Variants in TMPRSS2 observed in about 807,000 individuals in gnomAD.
TMPRSS2 encodes the protein transmembrane protease serine 2.
TMPRSS2 carries 59 observed loss-of-function variants against 67.4 expected under a neutral mutation model. The observed-to-expected ratio is 0.88, with a 90% confidence interval of 0.71 to 1.09. The LOEUF (loss-of-function observed/expected upper bound fraction) is 1.09. Among genes scored for constraint, TMPRSS2 ranks in the 50% least tolerant of loss-of-function variants. The pLI is 0.00. For synonymous variants in TMPRSS2, 257 were observed against 257.0 expected, an observed-to-expected ratio of 1.00 and a Z score of 0.00; for missense variants, 668 against 642.7, an observed-to-expected ratio of 1.04 and a Z score of -0.43.
chr21:41,492,691 A>C (rs2091347030), intron 3 of TMPRSS2, among the ~76,000 whole-genome samples: 1 of 152,228 alleles, frequency 6.6e-6, no homozygotes, highest in South Asian at 2.1e-4. Flanking sequence ...CTTCCCTTAT[A>C]AAAGCAACTG....
chr21:41,494,881 C>T (rs140259165), intron 2 of TMPRSS2, among the ~76,000 whole-genome samples: 3 of 151,782 alleles, frequency 2.0e-5, no homozygotes, highest in East Asian at 2.0e-4. Context: ...CCATCGTGGC[C>T]AACATGGTGG....
chr21:41,471,896 C>G lies in TMPRSS2; in HGVS notation c.985G>C (p.Glu329Gln), dbSNP rs775137340. Reference sequence around the variant, plus strand: ...TAATTTGGATGAGAAATCACTTTTTCTACTTGGTATCCGGCTCCATAGAAC... The same window carrying G: ...TAATTTGGATGAGAAATCACTTTTTGTACTTGGTATCCGGCTCCATAGAAC... Reference protein sequence around the residue: ...FMFYGAGYQVEKVISHPNYDS... With the variant: ...FMFYGAGYQVQKVISHPNYDS... The change falls in exon 10 of 14, where the codon GAA becomes CAA. Residue 329 changes from glutamate (E) to glutamine (Q), a missense_variant. Physicochemically the swap from Glu to Gln is conservative, Grantham distance 29 (BLOSUM62 2). Coordinates refer to ENST00000332149, the MANE Select transcript of TMPRSS2 (RefSeq NM_005656.4). 1.1e-4 allele frequency: 176 copies of G among 1,613,458 alleles called. No individual in the cohort carries two copies. The highest frequency in any genetic ancestry group is 1.4e-4 in the Non-Finnish European group (170 of 1,179,884).
rs529218967 is a variant in TMPRSS2, at chr21:41,498,256, A to G, written c.-56-67T>C. ...TTAGTTTTTAGAAGATAAATCTGGA[A>G]AGAACTAGAAGAATCTCTAGATGAA... On this transcript the variant is annotated intron_variant, in intron 1 of 13. Transcript: ENST00000332149. 3.8e-6 allele frequency: 4 copies of G among 1,063,064 alleles called. No homozygotes were observed. In the Admixed American group the frequency reaches 8.5e-5, roughly 23 times the overall value. 65.9% of individuals were successfully genotyped at this position (1,063,064 alleles called of 1,614,324 possible). A position where few individuals can be genotyped will look rare whatever the true frequency, so the allele number is the denominator to read the frequency against.
intron 6 of TMPRSS2, 76 bp from the exon 7 acceptor site, chr21:41,479,358 G>A (rs987154830): frequency 3.0e-5 from 32 of 1,061,984 alleles, no homozygotes; most frequent in African/African-American, 4.8e-5. Flanking sequence ...TCATAATACC[G>A]CTCATACGAC....
rs527284833 is a variant in TMPRSS2 at position 41,476,397 on chromosome 21, A to G, written c.727+180T>C. ...TGGACCCAAGGCTGAAGGTGTCTACAGGCCATGGAAATCTAAACCAGGAGC... is the reference window on the plus strand; with the variant it reads ...TGGACCCAAGGCTGAAGGTGTCTACGGGCCATGGAAATCTAAACCAGGAGC... On this transcript the variant is annotated intron_variant, in intron 8 of 13. Transcript: ENST00000332149. 4.5e-3 allele frequency among the ~76,000 whole-genome samples: 689 copies of G among 152,302 alleles called. 6 individuals carry two copies. The highest frequency in any genetic ancestry group is 0.016 in the African/African-American group (651 of 41,552).
At chr21:41,467,968 G>C (rs532610867) in intron 12 of TMPRSS2, 82 bp from the exon 13 acceptor site, 214 of 1,528,914 alleles carry the variant, frequency 1.4e-4, no homozygotes, top group Non-Finnish European at 1.3e-5. Flanking sequence ...AGAGGAGTTG[G>C]GGGGCGGGGG....
chr21:41,505,525 GC>G (rs751368599), intron 1 of TMPRSS2, among the ~76,000 whole-genome samples: 4 of 152,148 alleles, frequency 2.6e-5, no homozygotes, highest in Non-Finnish European at 4.4e-5. Context: ...GTCACTCAAT[GC>G]CCCCATGGCC....
intron 8 of TMPRSS2, among the ~76,000 whole-genome samples, chr21:41,475,791 A>T (rs1476960737): frequency 6.6e-6 from 1 of 151,156 alleles, no homozygotes; most frequent in Non-Finnish European, 1.5e-5. Flanking sequence ...CCTGTGTGTG[A>T]GTGTCTTCTC....
intron 11 of TMPRSS2, among the ~76,000 whole-genome samples, chr21:41,470,365 C>G (rs905370696): frequency 6.6e-6 from 1 of 152,202 alleles, no homozygotes; most frequent in Non-Finnish European, 1.5e-5. Context: ...GAGTGCAACA[C>G]AGGAGATCCT....
chr21:41,481,825 G>A (rs953572272), intron 5 of TMPRSS2, among the ~76,000 whole-genome samples: 1 of 152,120 alleles, frequency 6.6e-6, no homozygotes, highest in African/African-American at 2.4e-5. Context: ...CACTTTGGGA[G>A]GCCAAGGCGG....
chr21:41,502,532 A>T, intron 1 of TMPRSS2: 1 of 985,406 alleles, frequency 1.0e-6, no homozygotes, highest in Non-Finnish European at 1.2e-6. Flanking sequence ...ATCCACGGAC[A>T]CATCCCAGCC....
At chr21:41,468,324 A>G in intron 12 of TMPRSS2, 72 bp downstream of exon 12, 3 of 1,573,488 alleles carry the variant, frequency 1.9e-6, no homozygotes, top group Admixed American at 3.4e-5. Flanking sequence ...GACCCCAAGA[A>G]TGCCCTCTCT....
At chr21:41,507,011 C>T (rs2091462730) in intron 1 of TMPRSS2, among the ~76,000 whole-genome samples, 1 of 152,194 alleles carries the variant, frequency 6.6e-6, no homozygotes, top group Non-Finnish European at 1.5e-5. Context: ...CCTTTCCTTC[C>T]CAAACAAGCC....
chr21:41,502,075 G>A (rs1332572300), intron 1 of TMPRSS2, among the ~76,000 whole-genome samples: 1 of 152,178 alleles, frequency 6.6e-6, no homozygotes, highest in Non-Finnish European at 1.5e-5. Flanking sequence ...GCACACAGCT[G>A]TCCTCGCACT....
chr21:41,484,256 G>A (rs1354092564), intron 5 of TMPRSS2, among the ~76,000 whole-genome samples: 1 of 152,202 alleles, frequency 6.6e-6, no homozygotes, highest in Non-Finnish European at 1.5e-5. Flanking sequence ...TTTCTGTGGT[G>A]AGAATACTTA....
chr21:41,473,265 C>G, intron 9 of TMPRSS2, 60 bp downstream of exon 9: 2 of 1,505,588 alleles, frequency 1.3e-6, no homozygotes, highest in Non-Finnish European at 1.8e-6. Flanking sequence ...TGCTCAAGGT[C>G]ACAGGGTGGC....
intron 5 of TMPRSS2, among the ~76,000 whole-genome samples, chr21:41,484,108 G>T (rs570082620): frequency 2.6e-5 from 4 of 152,134 alleles, no homozygotes; most frequent in Non-Finnish European, 5.9e-5. Flanking sequence ...GACAGAAGGA[G>T]ACCTTGTCTC....
At chr21:41,479,117 G>A in intron 7 of TMPRSS2, 55 bp downstream of exon 7, 1 of 1,310,652 alleles carries the variant, frequency 7.6e-7, no homozygotes, top group Non-Finnish European at 1.1e-6. Flanking sequence ...GATTCCCCAT[G>A]GTGTCTCCTA....
At chr21:41,491,129 G>A (rs2091332083) in intron 3 of TMPRSS2, among the ~76,000 whole-genome samples, 1 of 150,852 alleles carries the variant, frequency 6.6e-6, no homozygotes, top group Non-Finnish European at 1.5e-5. Flanking sequence ...TCAGTTGGGG[G>A]TCGGGCATGA....
Sources: gnomAD v4.1 joint callset for allele counts (sites outside exome capture counted in the v4.1 genomes callset) on GRCh38, gnomAD v4.1.1 for gene constraint, MANE v1.5 for transcripts, NCBI Gene and HGNC (gene_info 2026-07-23, HGNC 2026-07-21) for gene names.